Variants in CALCRL observed in about 807,000 individuals in gnomAD.
The protein encoded by CALCRL is calcitonin gene-related peptide type 1 receptor.
Under a neutral mutation model 60.4 loss-of-function variants are expected in CALCRL, and 27 were observed. That is an observed-to-expected ratio of 0.45 (90% confidence interval 0.33 to 0.62). CALCRL has a LOEUF of 0.62. CALCRL is among the 20% of genes least tolerant of loss of function. The pLI, the probability that CALCRL is intolerant of heterozygous loss-of-function variation, is 0.03. For missense variants in CALCRL, 424 were observed against 540.7 expected (o/e 0.78, Z 2.14); for synonymous variants, 190 against 182.6 (o/e 1.04, Z -0.33).
At chr2:187,405,589 T>TA (rs1278549287) in intron 1 of CALCRL, among the ~76,000 whole-genome samples, 5 of 152,074 alleles carry the variant, frequency 3.3e-5, no homozygotes, top group Non-Finnish European at 7.4e-5. Flanking sequence ...ACACAGACTC[T>TA]AAAATGACTT....
intron 1 of CALCRL, among the ~76,000 whole-genome samples, chr2:187,401,142 G>A (rs1688871754): frequency 6.6e-6 from 1 of 151,580 alleles, no homozygotes; most frequent in Non-Finnish European, 1.5e-5. Flanking sequence ...TTAAGTGAGT[G>A]TTCTCATGAA....
At chr2:187,392,744 C>A (rs1257357314) in intron 1 of CALCRL, among the ~76,000 whole-genome samples, 1 of 152,038 alleles carries the variant, frequency 6.6e-6, no homozygotes, top group African/African-American at 2.4e-5. Context: ...TGTCACTCTG[C>A]CCCAGCTGAA....
chr2:187,400,115 A>G (rs1018729946), intron 1 of CALCRL, among the ~76,000 whole-genome samples: 1 of 151,474 alleles, frequency 6.6e-6, no homozygotes, highest in Non-Finnish European at 1.5e-5. Context: ...ACACAAAGAA[A>G]CAATATAAGT....
intron 1 of CALCRL, chr2:187,428,564 T>C (rs1314517304): frequency 6.6e-6 from 1 of 152,178 alleles, no homozygotes; most frequent in Non-Finnish European, 1.5e-5. Context: ...GATAAGATGA[T>C]CATTCATAAA....
At chr2:187,356,856 A>C (rs1280171314) in intron 12 of CALCRL, among the ~76,000 whole-genome samples, 3 of 152,236 alleles carry the variant, frequency 2.0e-5, no homozygotes, top group Non-Finnish European at 4.4e-5. Context: ...ATGAACAGGC[A>C]CTTCTCAAAA....
intron 1 of CALCRL, among the ~76,000 whole-genome samples, chr2:187,425,929 C>A (rs1165405817): frequency 6.6e-6 from 1 of 151,974 alleles, no homozygotes; most frequent in Non-Finnish European, 1.5e-5. Flanking sequence ...ATATCTACCA[C>A]ATTCATTTAA....
At chr2:187,360,791 G>C in intron 9 of CALCRL, 40 bp from the exon 10 acceptor site, 1 of 1,561,060 alleles carries the variant, frequency 6.4e-7, no homozygotes, top group East Asian at 2.2e-5. Context: ...ACTTGTTTAT[G>C]AATTCACATG....
At chr2:187,358,528 CCT>C (rs199548371) in intron 12 of CALCRL, among the ~76,000 whole-genome samples, 1 of 149,936 alleles carries the variant, frequency 6.7e-6, no homozygotes, top group South Asian at 2.2e-4. Context: ...CCCACCCCCC[CCT>C]GCTAGATTCA....
At chr2:187,370,699 A>G (rs1687481074) in intron 8 of CALCRL, among the ~76,000 whole-genome samples, 1 of 152,200 alleles carries the variant, frequency 6.6e-6, no homozygotes. Flanking sequence ...CAATGACCTT[A>G]TAGCAGACAG....
rs1688175540 is a variant in CALCRL at position 187,385,649 on chromosome 2, A to C, written c.-36-18T>G. On this transcript the variant is annotated intron_variant, in intron 3 of 14. Transcript: ENST00000392370. The stretch of plus-strand genomic sequence containing the variant: ...AACATAAACTGCAACAGAAAATAAA[A>C]GAAATATAATTCATCAATATTTATG... The C allele has an allele frequency of 2.4e-6, 3 of 1,232,366 alleles. No homozygotes were observed. The highest frequency in any genetic ancestry group is 3.4e-6 in the Non-Finnish European group (3 of 870,756). 76.3% of individuals were successfully genotyped at this position (1,232,366 alleles called of 1,614,324 possible). A position where few individuals can be genotyped will look rare whatever the true frequency, so the allele number is the denominator to read the frequency against.
intron 8 of CALCRL, among the ~76,000 whole-genome samples, chr2:187,372,424 C>A (rs951838865): frequency 6.6e-6 from 1 of 151,584 alleles, no homozygotes; most frequent in Non-Finnish European, 1.5e-5. Flanking sequence ...ACGTCTCTTT[C>A]TCTTTTCCCC....
intron 1 of CALCRL, among the ~76,000 whole-genome samples, chr2:187,426,815 AGGC>A (rs1690155212): frequency 6.6e-6 from 1 of 152,172 alleles, no homozygotes; most frequent in Non-Finnish European, 1.5e-5. Flanking sequence ...GAGTTGAATC[AGGC>A]AGGCTGGTTT....
At chr2:187,398,056 G>A (rs896538592) in intron 1 of CALCRL, among the ~76,000 whole-genome samples, 3 of 151,604 alleles carry the variant, frequency 2.0e-5, no homozygotes, top group African/African-American at 7.2e-5. Context: ...GGTGATTTTA[G>A]TCACCCTCTT....
chr2:187,363,929 A>T (rs986202832), intron 8 of CALCRL, among the ~76,000 whole-genome samples: 3 of 152,152 alleles, frequency 2.0e-5, no homozygotes, highest in African/African-American at 7.2e-5. Context: ...TACACCATAT[A>T]TATTGTTCTG....
rs1441064306 is a variant in CALCRL at position 187,345,904 on chromosome 2, T to C, written c.*280A>G. ...TACACCAGCTCAGAAAAGTTGATTG[T>C]GCTTTTCTCCAATTCCACACTTGGT... On this transcript the variant is annotated 3_prime_UTR_variant, in exon 15 of 15. Transcript: ENST00000392370. 1 of 271,556 alleles carries C rather than the reference T, an allele frequency of 3.7e-6. No homozygotes were observed. The highest frequency in any genetic ancestry group is 6.9e-6 in the Non-Finnish European group (1 of 144,524). 16.8% of individuals were successfully genotyped at this position (271,556 alleles called of 1,614,324 possible). A position where few individuals can be genotyped will look rare whatever the true frequency, so the allele number is the denominator to read the frequency against.
chr2:187,367,766 C>T (rs893559893), intron 8 of CALCRL, among the ~76,000 whole-genome samples: 20 of 151,978 alleles, frequency 1.3e-4, no homozygotes, highest in African/African-American at 4.6e-4. Context: ...CCCTTTCTAT[C>T]CCCGCATAAC....
At chr2:187,414,809 C>A (rs1266810596) in intron 1 of CALCRL, among the ~76,000 whole-genome samples, 1 of 151,918 alleles carries the variant, frequency 6.6e-6, no homozygotes, top group Non-Finnish European at 1.5e-5. Context: ...AACATTGGCA[C>A]ACACATCATC....
In CALCRL at chr2:187,380,536, T is replaced by A; in HGVS notation, c.339A>T (p.Arg113Ser). The A allele has an allele frequency of 6.2e-7, 1 of 1,613,692 alleles. No individual in the cohort carries two copies. Among genetic ancestry groups the A allele is most frequent in the South Asian group, 1.1e-5 (1 of 91,052 alleles). ...TCCATGTTCTGTTGCTTGCTGGATG[T>A]CTAAACCAGTTTCCATCTTGGTCAC... is the stretch of plus-strand genomic sequence containing the variant. ...KICDQDGNWF[R>S]HPASNRTWTN... Residue 113 changes from arginine to serine, a missense_variant, in exon 7 of 15, where the codon AGA becomes AGT. This residue lies in a region of CALCRL where 108 missense variants were observed against 132.9 expected (regional missense o/e 0.81). Transcript: ENST00000392370.
intron 1 of CALCRL, among the ~76,000 whole-genome samples, chr2:187,404,282 T>TA (rs1689020538): frequency 6.6e-6 from 1 of 151,816 alleles, no homozygotes; most frequent in African/African-American, 2.4e-5. Flanking sequence ...TATCAAAATA[T>TA]AAAATACCCT....
Sources: gnomAD v4.1 joint callset for allele counts (sites outside exome capture counted in the v4.1 genomes callset) on GRCh38, gnomAD v4.1.1 for gene constraint, gnomAD v4.1.1 regional missense constraint, MANE v1.5 for transcripts, NCBI Gene and HGNC (gene_info 2026-07-23, HGNC 2026-07-21) for gene names.